MLLT3: variants seen among roughly 807,000 people sequenced by gnomAD.
MLLT3 encodes protein AF-9.
Under a neutral mutation model 53.2 loss-of-function variants are expected in MLLT3, and 4 were observed. That is an observed-to-expected ratio of 0.08 (90% CI 0.04 to 0.17). The LOEUF is 0.17. MLLT3 is among the 10% of genes least tolerant of loss of function. The probability of loss-of-function intolerance (pLI) is 1.00; values close to 1 mark genes in which losing one functional copy is unlikely to be tolerated. For synonymous variants in MLLT3, 283 were observed against 230.6 expected, an observed-to-expected ratio of 1.23 and a Z score of -2.06; for missense variants, 569 against 684.0, an observed-to-expected ratio of 0.83 and a Z score of 1.87.
chr9:20,498,608 T>C (rs1825141325), intron 2 of MLLT3, among the ~76,000 whole-genome samples: 1 of 152,236 alleles, frequency 6.6e-6, no homozygotes, highest in African/African-American at 2.4e-5. Flanking sequence ...GTAAACTTTC[T>C]TAAAACATTA....
intron 2 of MLLT3, among the ~76,000 whole-genome samples, chr9:20,598,907 T>C (rs1045428925): frequency 3.3e-5 from 5 of 152,174 alleles, no homozygotes; most frequent in African/African-American, 1.2e-4. Flanking sequence ...AGGCTTCTGA[T>C]TAGGTTAAGA....
At chr9:20,367,235 C>G (rs905762594) in intron 5 of MLLT3, among the ~76,000 whole-genome samples, 8 of 152,166 alleles carry the variant, frequency 5.3e-5, no homozygotes, top group African/African-American at 1.9e-4. Context: ...CCTCTTTGAC[C>G]CACCCAACTC....
intron 4 of MLLT3, among the ~76,000 whole-genome samples, chr9:20,438,300 T>C (rs1036072782): frequency 6.6e-6 from 1 of 152,260 alleles, no homozygotes; most frequent in African/African-American, 2.4e-5. Flanking sequence ...GATGGTACCC[T>C]GCATAGGAAG....
At chr9:20,590,210 A>C (rs7025895) in intron 2 of MLLT3, among the ~76,000 whole-genome samples, 124,491 of 152,068 alleles carry the variant, frequency 0.82, 51,084 homozygotes, top group Middle Eastern at 0.89. Context: ...TCTCTCCAAG[A>C]TTCTTAACAT....
intron 2 of MLLT3, among the ~76,000 whole-genome samples, chr9:20,503,896 T>C (rs1416057224): frequency 6.6e-6 from 1 of 152,086 alleles, no homozygotes; most frequent in Non-Finnish European, 1.5e-5. Flanking sequence ...GTGAAGGACT[T>C]GAAAAGACAT....
chr9:20,528,960 T>C (rs767959939), intron 2 of MLLT3, among the ~76,000 whole-genome samples: 8 of 152,186 alleles, frequency 5.3e-5, no homozygotes, highest in Non-Finnish European at 1.2e-4. Context: ...TAATGTGTAC[T>C]GTATGAAAGT....
chr9:20,507,514 G>T (rs894248911), intron 2 of MLLT3, among the ~76,000 whole-genome samples: 1 of 152,184 alleles, frequency 6.6e-6, no homozygotes, highest in East Asian at 1.9e-4. Context: ...CTTTAAAAAA[G>T]AGACCCTTAT....
intron 2 of MLLT3, among the ~76,000 whole-genome samples, chr9:20,492,527 T>A (rs1333850014): frequency 6.6e-6 from 1 of 151,890 alleles, no homozygotes; most frequent in Non-Finnish European, 1.5e-5. Context: ...AACATAAAAA[T>A]AAAATCATGA....
At chr9:20,565,460 G>A (rs1819329292) in intron 2 of MLLT3, among the ~76,000 whole-genome samples, 1 of 151,888 alleles carries the variant, frequency 6.6e-6, no homozygotes, top group African/African-American at 2.4e-5. Flanking sequence ...GGACCTAATT[G>A]TTCACTTTCT....
chr9:20,364,915 G>A (rs1038765807), intron 6 of MLLT3, among the ~76,000 whole-genome samples: 5 of 152,138 alleles, frequency 3.3e-5, no homozygotes, highest in African/African-American at 1.2e-4. Context: ...AAATATTCTA[G>A]TTTAAATGTC....
chr9:20,563,324 C>T (rs1158799149), intron 2 of MLLT3, among the ~76,000 whole-genome samples: 1 of 151,738 alleles, frequency 6.6e-6, no homozygotes, highest in East Asian at 1.9e-4. Context: ...CTTGCTATAA[C>T]AGGTGAACTA....
intron 2 of MLLT3, among the ~76,000 whole-genome samples, chr9:20,565,779 A>G (rs920659205): frequency 2.0e-5 from 3 of 150,852 alleles, no homozygotes; most frequent in Non-Finnish European, 4.4e-5. Flanking sequence ...CCTAGACTAG[A>G]TAAGCTAGTC....
intron 2 of MLLT3, among the ~76,000 whole-genome samples, chr9:20,504,683 A>G (rs986398057): frequency 6.6e-6 from 1 of 152,218 alleles, no homozygotes; most frequent in African/African-American, 2.4e-5. Flanking sequence ...TATGGTGACT[A>G]CAGTTCATAA....
chr9:20,378,141 G>C (rs1563942978), intron 5 of MLLT3, among the ~76,000 whole-genome samples: 1 of 150,292 alleles, frequency 6.7e-6, no homozygotes, highest in Non-Finnish European at 1.5e-5. Context: ...TCAATTTTTT[G>C]TATGTGTTTT....
intron 2 of MLLT3, among the ~76,000 whole-genome samples, chr9:20,567,198 G>T (rs1313472995): frequency 1.0e-5 from 1 of 99,710 alleles, no homozygotes. Context: ...AAAAAAAAAA[G>T]TAGGGCTGAA....
chr9:20,454,448 T>C (rs960907757), intron 3 of MLLT3, among the ~76,000 whole-genome samples: 1 of 152,136 alleles, frequency 6.6e-6, no homozygotes, highest in Non-Finnish European at 1.5e-5. Flanking sequence ...CCAGAAGAGT[T>C]AAAAACAAGA....
intron 2 of MLLT3, among the ~76,000 whole-genome samples, chr9:20,557,148 T>C (rs1351315221): frequency 6.6e-6 from 1 of 152,092 alleles, no homozygotes; most frequent in Non-Finnish European, 1.5e-5. Context: ...CCCCTGTTCA[T>C]ACCACCAAGA....
chr9:20,473,844 T>A (rs2118892995), intron 2 of MLLT3, among the ~76,000 whole-genome samples: 1 of 152,238 alleles, frequency 6.6e-6, no homozygotes, highest in Non-Finnish European at 1.5e-5. Flanking sequence ...TGAAGTACAA[T>A]ACATAAATAA....
intron 2 of MLLT3, chr9:20,532,706 C>A: frequency 3.9e-6 from 1 of 258,428 alleles, no homozygotes; most frequent in Non-Finnish European, 7.5e-6. Flanking sequence ...AGGGACTTAA[C>A]TCGCTTTGTG....
Sources: allele counts gnomAD v4.1 joint callset (sites outside exome capture counted in the v4.1 genomes callset), GRCh38; gene constraint gnomAD v4.1.1; transcripts MANE v1.5; gene names NCBI Gene and HGNC (gene_info 2026-07-23, HGNC 2026-07-21).